The following LANCL3 variants were observed in gnomAD, a reference collection of about 807,000 sequenced individuals.
LANCL3 encodes the protein LanC like family member 3, also known as lanC-like protein 3.
LANCL3 carries 19 observed loss-of-function variants against 26.5 expected under a neutral mutation model. The observed-to-expected ratio is 0.72, with a 90% CI of 0.50 to 1.05. The LOEUF is 1.05. Ranked by LOEUF, LANCL3 falls within the 50% of genes least tolerant of loss-of-function variation. LANCL3 has a pLI of 0.00. For missense variants in LANCL3, 318 were observed against 362.7 expected (o/e 0.88, Z 1.00); for synonymous variants, 160 against 166.6 (o/e 0.96, Z 0.30).
At chrX:37,601,452 T>C (rs545233976) in intron 1 of LANCL3, among the ~76,000 whole-genome samples, 1 of 109,478 alleles carries the variant, frequency 9.1e-6, no homozygotes, top group Admixed American at 9.8e-5. Flanking sequence ...TTTTAAATAA[T>C]GAAATCTACC....
intron 1 of LANCL3, among the ~76,000 whole-genome samples, chrX:37,611,380 G>T (rs1924865590): frequency 9.1e-6 from 1 of 110,210 alleles, no homozygotes. Flanking sequence ...GGTTTTTTTT[G>T]ATCCTCCATC....
intron 1 of LANCL3, among the ~76,000 whole-genome samples, chrX:37,592,124 C>T (rs1556419051): frequency 8.9e-6 from 1 of 111,829 alleles, no homozygotes; most frequent in African/African-American, 3.3e-5. Context: ...TTTAGTTAAC[C>T]TCTTCCTGAA....
At chrX:37,608,782 A>C (rs1233636708) in intron 1 of LANCL3, among the ~76,000 whole-genome samples, 1 of 112,160 alleles carries the variant, frequency 8.9e-6, no homozygotes, top group African/African-American at 3.2e-5. Flanking sequence ...GAATATTCAC[A>C]TTAACATAGG....
Position 37,609,504 on chromosome X carries a change from C to CT in LANCL3, c.573+37066dup, listed in dbSNP as rs1346190140. On this transcript the variant is annotated intron_variant, in intron 1 of 4. Transcript: ENST00000378619. ...TGAAAGCCAAGTAAAGAAAGAGCTG[C>CT]TTTTTAATTATCTGTAGATGCTAAA... is the stretch of plus-strand genomic sequence containing the variant. Among the ~76,000 whole-genome samples the CT allele has an allele frequency of 9.0e-5, 10 of 111,648 alleles. No homozygotes were observed. The Admixed American group carries it at 9.5e-4, about 11-fold the overall frequency.
intron 1 of LANCL3, among the ~76,000 whole-genome samples, chrX:37,578,292 G>GT (rs782717222): frequency 1.9e-3 from 215 of 112,233 alleles, no homozygotes; most frequent in African/African-American, 6.7e-3. Context: ...GAAGGCTAGT[G>GT]TTTTTATTTT....
Position 37,610,247 on chromosome X carries a change from C to T in LANCL3, c.573+37804C>T, listed in dbSNP as rs782091508. 2.7e-5 allele frequency among the ~76,000 whole-genome samples: 3 copies of T among 111,568 alleles called. No individual in the cohort carries two copies. In the East Asian group the frequency reaches 8.5e-4, roughly 31 times the overall value. On this transcript the variant is annotated intron_variant, in intron 1 of 4. Coordinates refer to ENST00000378619, the MANE Select transcript of LANCL3 (RefSeq NM_001170331.2). ...TTGGCCTTTCCATGAACTGATTGGG[C>T]TTTTTCATTGCGTGGTTGCTGAATT...
At chrX:37,614,585 G>A (rs1556421519) in intron 1 of LANCL3, among the ~76,000 whole-genome samples, 2 of 111,874 alleles carry the variant, frequency 1.8e-5, no homozygotes, top group African/African-American at 6.5e-5. Context: ...CAAAGGAAGC[G>A]GCTTTTTCTT....
At chrX:37,574,258 C>A (rs1487880371) in intron 1 of LANCL3, among the ~76,000 whole-genome samples, 1 of 110,805 alleles carries the variant, frequency 9.0e-6, no homozygotes, top group African/African-American at 3.3e-5. Context: ...CCCATCCCCT[C>A]CCCGCAAATC....
At position 37,588,707 on chromosome X, in the gene LANCL3, A is replaced by G. The variant is rs1556418488; in HGVS notation, c.573+16264A>G. ...TAGCTTTAACCATTCAATGAACCAAAGAAATGAATGACTTTGGCCTGTTAA... is the reference window on the plus strand; with the variant it reads ...TAGCTTTAACCATTCAATGAACCAAGGAAATGAATGACTTTGGCCTGTTAA... On this transcript the variant is annotated intron_variant, in intron 1 of 4. Coordinates refer to ENST00000378619, the MANE Select transcript of LANCL3 (RefSeq NM_001170331.2). Among the ~76,000 whole-genome samples, 3 of 112,189 alleles carry G rather than the reference A, an allele frequency of 2.7e-5. 1 individual carries two copies. The South Asian group carries it at 1.1e-3, about 42-fold the overall frequency.
chrX:37,644,800 C>G (rs1191154011), intron 1 of LANCL3, among the ~76,000 whole-genome samples: 1 of 112,365 alleles, frequency 8.9e-6, no homozygotes, highest in African/African-American at 3.2e-5. Flanking sequence ...AGTTCTCAAC[C>G]TTGACACTCT....
Position 37,670,588 on chromosome X carries a change from T to G in LANCL3, c.1103+3099T>G, listed in dbSNP as rs1186989834. ...CTGTTGACCAGTTACCCCCATGATT[T>G]GAAATTCCATTTTTTTATAAACTGA... On this transcript the variant is annotated intron_variant, in intron 4 of 4. Coordinates refer to ENST00000378619, the MANE Select transcript of LANCL3 (RefSeq NM_001170331.2). 5.4e-5 allele frequency among the ~76,000 whole-genome samples: 6 copies of G among 111,408 alleles called. No individual in the cohort carries two copies. The East Asian group carries it at 1.7e-3, about 31-fold the overall frequency.
chrX:37,635,268 A>G (rs1556425229), intron 1 of LANCL3, among the ~76,000 whole-genome samples: 1 of 112,343 alleles, frequency 8.9e-6, no homozygotes. Flanking sequence ...ACTTGCAGAC[A>G]TTTAAGATTC....
rs1398640075 is a variant in LANCL3 at position 37,660,225 on chromosome X, G to A, written c.895+566G>A. Among the ~76,000 whole-genome samples, 5 of 111,445 alleles carry A rather than the reference G, an allele frequency of 4.5e-5. No individual in the cohort carries two copies. In the Admixed American group the frequency reaches 4.8e-4, roughly 11 times the overall value. The stretch of plus-strand genomic sequence containing the variant: ...ATGTGGCCCCTGGAACCAGTAGCAT[G>A]AGCAACTGAGAGCTTGATAAAAATC... On this transcript the variant is annotated intron_variant, in intron 3 of 4. Coordinates refer to ENST00000378619, the MANE Select transcript of LANCL3 (RefSeq NM_001170331.2).
In LANCL3 at chrX:37,572,293, C is replaced by G. The variant is rs1381957778; in HGVS notation, c.423C>G (p.Ser141=). The change falls in exon 1 of 5, where the codon TCC becomes TCG. Residue 141 remains serine, a synonymous_variant. Coordinates refer to ENST00000378619, the MANE Select transcript of LANCL3 (RefSeq NM_001170331.2). The part of the protein sequence containing the change: ...ATLVYHALGR[S]DYVQPLGKFR... ...TCGTATACCACGCCCTGGGCCGGTC[C>G]GACTACGTGCAGCCGCTGGGCAAGT... The G allele has an allele frequency of 8.7e-6, 10 of 1,155,684 alleles. No individual in the cohort carries two copies. The African/African-American group carries it at 1.6e-4, about 19-fold the overall frequency.
intron 1 of LANCL3, among the ~76,000 whole-genome samples, chrX:37,591,739 T>C (rs1282251612): frequency 1.0e-5 from 1 of 100,337 alleles, no homozygotes; most frequent in Middle Eastern, 4.5e-3. Context: ...GTGGGGGGGG[T>C]ATGTACATTT....
At chrX:37,666,812 A>G (rs782236253) in intron 3 of LANCL3, among the ~76,000 whole-genome samples, 23 of 112,506 alleles carry the variant, frequency 2.0e-4, no homozygotes, top group Non-Finnish European at 3.4e-4. Flanking sequence ...GAAAATGTGT[A>G]TAGTTATAAG....
At chrX:37,629,764 T>C (rs1440939364) in intron 1 of LANCL3, among the ~76,000 whole-genome samples, 1 of 111,245 alleles carries the variant, frequency 9.0e-6, no homozygotes, top group Non-Finnish European at 1.9e-5. Flanking sequence ...GTTGTAGATA[T>C]GTGGTGTTAT....
intron 1 of LANCL3, among the ~76,000 whole-genome samples, chrX:37,627,721 A>G (rs1276842243): frequency 8.9e-6 from 1 of 111,990 alleles, no homozygotes; most frequent in Non-Finnish European, 1.9e-5. Context: ...ATAGCCAGGA[A>G]CAGCTTACTC....
chrX:37,638,776 A>G (rs1166523324), intron 1 of LANCL3, among the ~76,000 whole-genome samples: 2 of 110,860 alleles, frequency 1.8e-5, no homozygotes, highest in Non-Finnish European at 3.8e-5. Flanking sequence ...CTTTATCCCA[A>G]TGAATATCAT....
Sources: gnomAD v4.1 joint callset for allele counts (sites outside exome capture counted in the v4.1 genomes callset) on GRCh38, gnomAD v4.1.1 for gene constraint, MANE v1.5 for transcripts, NCBI Gene and HGNC (gene_info 2026-07-23, HGNC 2026-07-21) for gene names.